ADGRL2: variants seen among roughly 807,000 people sequenced by gnomAD.
ADGRL2 encodes calcium-independent alpha-latrotoxin receptor 2.
Under a neutral mutation model 157.4 loss-of-function variants are expected in ADGRL2, and 44 were observed. That is an observed-to-expected ratio of 0.28 (90% CI 0.22 to 0.36). The LOEUF is 0.36. Ranked by LOEUF, ADGRL2 falls within the 10% of genes least tolerant of loss-of-function variation. ADGRL2 has a pLI of 1.00. For missense variants in ADGRL2, 1,510 were observed against 1,768.9 expected (o/e 0.85, Z 2.63); for synonymous variants, 585 against 624.7 (o/e 0.94, Z 0.95).
intron 2 of ADGRL2, among the ~76,000 whole-genome samples, chr1:81,875,495 A>G (rs954156376): frequency 3.9e-5 from 6 of 152,210 alleles, no homozygotes; most frequent in Admixed American, 3.9e-4. Flanking sequence ...CATTGTTAAT[A>G]GCATTGTTCA....
intron 11 of ADGRL2, among the ~76,000 whole-genome samples, chr1:81,965,424 T>C (rs2149268905): frequency 6.6e-6 from 1 of 152,352 alleles, no homozygotes; most frequent in South Asian, 2.1e-4. Context: ...GACTGATGGT[T>C]ACTAGTGAGA....
rs200524848 is a variant in ADGRL2 at position 81,461,281 on chromosome 1, C to CTT, written c.-248+16201_-248+16202dup. On this transcript the variant is annotated intron_variant, in intron 2 of 24. Coordinates refer to the ADGRL2 transcript ENST00000370721. ...AAGCTTTCTTTTTTTCTTTTCTTTTCTTTTTTTTTTCCTTTGGTTTTGGCC... is the reference window on the plus strand; with the variant it reads ...AAGCTTTCTTTTTTTCTTTTCTTTTCTTTTTTTTTTTTCCTTTGGTTTTGGCC... 2.1e-4 allele frequency among the ~76,000 whole-genome samples: 31 copies of CTT among 147,968 alleles called. 1 individual carries two copies. The South Asian group carries it at 6.5e-3, about 31-fold the overall frequency.
intron 2 of ADGRL2, among the ~76,000 whole-genome samples, chr1:81,529,255 T>C (rs1414581526): frequency 6.6e-6 from 1 of 151,704 alleles, no homozygotes; most frequent in Non-Finnish European, 1.5e-5. Context: ...AGTGCAGAGG[T>C]GAAGGACAGT....
chr1:81,970,819 T>C (rs1658512143), intron 16 of ADGRL2, among the ~76,000 whole-genome samples: 1 of 152,170 alleles, frequency 6.6e-6, no homozygotes, highest in Admixed American at 6.5e-5. Context: ...CTTAGAAAGA[T>C]ATTAAGTAAA....
chr1:81,872,064 G>A (rs1400762747), intron 2 of ADGRL2, among the ~76,000 whole-genome samples: 1 of 152,070 alleles, frequency 6.6e-6, no homozygotes, highest in African/African-American at 2.4e-5. Flanking sequence ...TATGGTTTTA[G>A]GTCTGACATT....
In ADGRL2 at chr1:81,984,578, T is replaced by C. The variant is rs774725035; in HGVS notation, c.3283-5T>C. 3.7e-6 allele frequency: 6 copies of C among 1,600,466 alleles called. No individual in the cohort carries two copies. The highest frequency in any genetic ancestry group is 2.6e-6 in the Non-Finnish European group (3 of 1,170,272). ...ATCCCTTGGTCTTGTGATTATTCAA[T>C]GCAGGTACGAAAAGAATATGGCAAG... On this transcript the variant is annotated splice_polypyrimidine_tract_variant and splice_region_variant and intron_variant, in intron 19 of 23. Coordinates refer to ENST00000686636, the MANE Select transcript of ADGRL2 (RefSeq NM_001366006.2).
intron 3 of ADGRL2, among the ~76,000 whole-genome samples, chr1:81,657,693 G>A (rs1302048665): frequency 1.3e-5 from 2 of 152,020 alleles, no homozygotes; most frequent in Admixed American, 1.3e-4. Context: ...TTAATAATCT[G>A]CATGCATTCT....
chr1:81,780,382 G>A (rs1041389394), intron 2 of ADGRL2, among the ~76,000 whole-genome samples: 2 of 152,120 alleles, frequency 1.3e-5, no homozygotes, highest in African/African-American at 2.4e-5. Flanking sequence ...TGTACTAGCT[G>A]GGAGACTTCC....
rs556484157 is a variant in ADGRL2 at position 81,834,816 on chromosome 1, A to C, written c.-100-2069A>C. Reference sequence around the variant, plus strand: ...CCATTTGTCAGAAACAACCACTTACATGGTCTCATAATTGAATGATATGTA... The same window carrying C: ...CCATTTGTCAGAAACAACCACTTACCTGGTCTCATAATTGAATGATATGTA... On this transcript the variant is annotated intron_variant, in intron 1 of 23. Transcript: ENST00000686636. Among the ~76,000 whole-genome samples the C allele has an allele frequency of 9.5e-4, 144 of 152,240 alleles. 2 individuals carry two copies. The South Asian group carries it at 0.013, about 14-fold the overall frequency.
chr1:81,472,402 G>A (rs909180721), intron 2 of ADGRL2, among the ~76,000 whole-genome samples: 12 of 152,246 alleles, frequency 7.9e-5, no homozygotes, highest in Non-Finnish European at 1.6e-4. Flanking sequence ...GAGGGCCGAG[G>A]CAGGCGGATT....
intron 2 of ADGRL2, among the ~76,000 whole-genome samples, chr1:81,556,948 G>C (rs1338352409): frequency 6.6e-6 from 1 of 150,626 alleles, no homozygotes; most frequent in East Asian, 2.0e-4. Flanking sequence ...GCGTGGTGTC[G>C]TATGCCTGTA....
intron 3 of ADGRL2, among the ~76,000 whole-genome samples, chr1:81,646,991 G>A (rs928321459): frequency 2.0e-5 from 3 of 152,162 alleles, no homozygotes; most frequent in East Asian, 1.9e-4. Flanking sequence ...TTTTGAGCAC[G>A]TATGTGCCTG....
intron 2 of ADGRL2, among the ~76,000 whole-genome samples, chr1:81,446,219 T>G (rs1309299125): frequency 6.6e-6 from 1 of 152,154 alleles, no homozygotes; most frequent in Non-Finnish European, 1.5e-5. Context: ...GTGGGGTGCC[T>G]GCCAGCCCGG....
chr1:81,836,535 A>C (rs1178750857), intron 1 of ADGRL2, among the ~76,000 whole-genome samples: 1 of 152,100 alleles, frequency 6.6e-6, no homozygotes, highest in Non-Finnish European at 1.5e-5. Flanking sequence ...TACACTCTGC[A>C]GTTTGGAGAA....
rs1412697605 is a variant in ADGRL2 at position 81,388,857 on chromosome 1, G to C, written c.-301-56179G>C. ...TCCTCTGTAAGCAGAGGATAGAAGA[G>C]TAGAGATATGCTTATTACTGATTCC... On this transcript the variant is annotated intron_variant, in intron 1 of 24. Transcript: ENST00000370721. 2.6e-5 allele frequency among the ~76,000 whole-genome samples: 4 copies of C among 152,178 alleles called. No homozygotes were observed. The East Asian group carries it at 7.7e-4, about 29-fold the overall frequency.
chr1:81,384,289 T>G (rs1251561269), intron 1 of ADGRL2, among the ~76,000 whole-genome samples: 1 of 152,164 alleles, frequency 6.6e-6, no homozygotes, highest in Non-Finnish European at 1.5e-5. Flanking sequence ...TGTTTTTAGG[T>G]AATTAAAAAG....
intron 3 of ADGRL2, among the ~76,000 whole-genome samples, chr1:81,614,400 A>T (rs1029818925): frequency 2.6e-5 from 4 of 152,178 alleles, no homozygotes; most frequent in Non-Finnish European, 5.9e-5. Flanking sequence ...TCTCCATTCC[A>T]TGGTATAGTA....
intron 17 of ADGRL2, among the ~76,000 whole-genome samples, chr1:81,978,511 G>A (rs2149411103): frequency 6.6e-6 from 1 of 151,668 alleles, no homozygotes; most frequent in South Asian, 2.1e-4. Context: ...GTAAAATTTT[G>A]CCCATTGACC....
At chr1:81,765,015 T>C (rs1166537459) in intron 2 of ADGRL2, among the ~76,000 whole-genome samples, 3 of 152,036 alleles carry the variant, frequency 2.0e-5, no homozygotes, top group African/African-American at 4.8e-5. Flanking sequence ...TAAGGGATTA[T>C]ATATTGTGTA....
Sources: gnomAD v4.1 joint callset for allele counts (sites outside exome capture counted in the v4.1 genomes callset) on GRCh38, gnomAD v4.1.1 for gene constraint, MANE v1.5 for transcripts, NCBI Gene and HGNC (gene_info 2026-07-23, HGNC 2026-07-21) for gene names.